PPARG: variants seen among roughly 807,000 people sequenced by gnomAD.
The protein encoded by PPARG is peroxisome proliferator activated receptor gamma, also known as peroxisome proliferator-activated receptor gamma.
A neutral mutation model predicts 39.2 loss-of-function variants in PPARG; 17 were observed. The observed-to-expected ratio is 0.43, with a 90% CI of 0.30 to 0.65. The LOEUF (loss-of-function observed/expected upper bound fraction) is 0.65. Ranked by LOEUF, PPARG falls within the 30% of genes least tolerant of loss-of-function variation. PPARG has a pLI of 0.13. For missense variants in PPARG, 406 were observed against 585.9 expected, an observed-to-expected ratio of 0.69 and a Z score of 3.17; for synonymous variants, 223 against 215.7, an observed-to-expected ratio of 1.03 and a Z score of -0.30.
At chr3:12,371,673 A>T (rs879344561) in intron 2 of PPARG, among the ~76,000 whole-genome samples, 2 of 152,218 alleles carry the variant, frequency 1.3e-5, no homozygotes, top group Non-Finnish European at 2.9e-5. Context: ...GCATATTTAC[A>T]TGTAGTAACA....
chr3:12,325,600 CA>C (rs201763419), intron 2 of PPARG, among the ~76,000 whole-genome samples: 5 of 146,538 alleles, frequency 3.4e-5, no homozygotes, highest in South Asian at 2.2e-4. Context: ...GACTCTGTCT[CA>C]AAAAAAAATA....
At chr3:12,294,754 A>G (rs529989734) in intron 1 of PPARG, among the ~76,000 whole-genome samples, 1 of 152,250 alleles carries the variant, frequency 6.6e-6, no homozygotes, top group East Asian at 1.9e-4. Context: ...TTAGCTCGGC[A>G]TGGTGGCACG....
At chr3:12,401,678 T>TA (rs2050478791) in intron 5 of PPARG, among the ~76,000 whole-genome samples, 1 of 152,062 alleles carries the variant, frequency 6.6e-6, no homozygotes, top group African/African-American at 2.4e-5. Context: ...CAGATTTGTG[T>TA]ATGTTTTATG....
chr3:12,359,097 A>G (rs2125112147), intron 2 of PPARG, among the ~76,000 whole-genome samples: 1 of 152,246 alleles, frequency 6.6e-6, no homozygotes, highest in South Asian at 2.1e-4. Context: ...TATCTCTATC[A>G]CGAGTCTGGT....
chr3:12,401,126 A>G (rs1239950630), intron 5 of PPARG, among the ~76,000 whole-genome samples: 1 of 152,206 alleles, frequency 6.6e-6, no homozygotes, highest in African/African-American at 2.4e-5. Context: ...CAGAATGTTC[A>G]TCTTCTATTT....
intron 1 of PPARG, among the ~76,000 whole-genome samples, chr3:12,293,052 A>G (rs1431417176): frequency 6.6e-6 from 1 of 152,330 alleles, no homozygotes; most frequent in East Asian, 1.9e-4. Flanking sequence ...CCTTAATCCT[A>G]CAGCGTAGGC....
chr3:12,288,323 G>A (rs2046560831), upstream of PPARG, among the ~76,000 whole-genome samples: 2 of 151,830 alleles, frequency 1.3e-5, no homozygotes, highest in Non-Finnish European at 2.9e-5. Context: ...CGCGTCTACC[G>A]GAGCGCGCAC....
intron 1 of PPARG, among the ~76,000 whole-genome samples, chr3:12,300,144 T>C (rs2046890922): frequency 6.6e-6 from 1 of 152,218 alleles, no homozygotes; most frequent in Non-Finnish European, 1.5e-5. Flanking sequence ...GGCCGTGAAA[T>C]GTTACAGTGT....
chr3:12,352,514 G>A (rs1285028377), intron 2 of PPARG, among the ~76,000 whole-genome samples: 10 of 152,008 alleles, frequency 6.6e-5, no homozygotes, highest in South Asian at 4.1e-4. Context: ...GTATTGTCTC[G>A]TATTGATGTC....
intron 1 of PPARG, among the ~76,000 whole-genome samples, chr3:12,294,315 T>C (rs1046862007): frequency 1.3e-5 from 2 of 152,242 alleles, no homozygotes; most frequent in Admixed American, 1.3e-4. Context: ...AAAACAGTTA[T>C]TCTGAAACAT....
At chr3:12,301,562 A>G (rs2046926822) in intron 1 of PPARG, 2 of 152,184 alleles carry the variant, frequency 1.3e-5, no homozygotes, top group African/African-American at 2.4e-5. Context: ...TACCAAAGAA[A>G]CTGCTTTACA....
intron 1 of PPARG, among the ~76,000 whole-genome samples, chr3:12,309,019 C>T (rs557428724): frequency 4.7e-4 from 71 of 152,168 alleles, no homozygotes; most frequent in Non-Finnish European, 8.4e-4. Flanking sequence ...TTTTAAATTA[C>T]AAGGTTTGCA....
chr3:12,416,004 G>A (rs1294968876), intron 6 of PPARG, among the ~76,000 whole-genome samples: 1 of 152,234 alleles, frequency 6.6e-6, no homozygotes, highest in Non-Finnish European at 1.5e-5. Context: ...CTGAGTTGCT[G>A]AAATGGTTTT....
chr3:12,360,269 C>G (rs1422575018), intron 2 of PPARG, among the ~76,000 whole-genome samples: 2 of 151,892 alleles, frequency 1.3e-5, no homozygotes, highest in African/African-American at 4.8e-5. Context: ...TCTTGGCTTC[C>G]CAAAGTGCTG....
intron 5 of PPARG, among the ~76,000 whole-genome samples, chr3:12,396,389 T>C (rs1473948529): frequency 6.6e-6 from 1 of 152,212 alleles, no homozygotes; most frequent in Non-Finnish European, 1.5e-5. Flanking sequence ...CCCAAAGTGC[T>C]AGGATTACAG....
intron 7 of PPARG, among the ~76,000 whole-genome samples, chr3:12,417,902 CTTTTTTTT>C (rs869086237): frequency 1.5e-5 from 1 of 65,900 alleles, no homozygotes; most frequent in Admixed American, 2.4e-4. Flanking sequence ...TTTTTTTTTC[CTTTTTTTT>C]TTTTTTTTTT....
chr3:12,307,629 G>A (rs918936589), intron 1 of PPARG, among the ~76,000 whole-genome samples: 1 of 152,318 alleles, frequency 6.6e-6, no homozygotes, highest in East Asian at 1.9e-4. Context: ...TAAAGACTGT[G>A]TGTAGGTAGG....
intron 5 of PPARG, among the ~76,000 whole-genome samples, chr3:12,396,848 T>A (rs752372991): frequency 1.9e-4 from 29 of 152,066 alleles, no homozygotes; most frequent in Non-Finnish European, 3.4e-4. Context: ...AAATAGTAAG[T>A]TTAGGCTAAG....
chr3:12,359,149 A>C (rs760999694), intron 2 of PPARG, among the ~76,000 whole-genome samples: 1 of 152,186 alleles, frequency 6.6e-6, no homozygotes, highest in Non-Finnish European at 1.5e-5. Context: ...TCACCTTGGT[A>C]AGCTTCTCAA....
Sources: gnomAD v4.1 joint callset for allele counts (sites outside exome capture counted in the v4.1 genomes callset) on GRCh38, gnomAD v4.1.1 for gene constraint, MANE v1.5 for transcripts, NCBI Gene and HGNC (gene_info 2026-07-23, HGNC 2026-07-21) for gene names.